The following SGCD variants were observed in gnomAD, a reference collection of about 807,000 sequenced individuals.
SGCD encodes sarcoglycan delta.
SGCD carries 18 observed loss-of-function variants against 36.6 expected under a neutral mutation model. The observed-to-expected ratio is 0.49, with a 90% CI of 0.34 to 0.73. The LOEUF (loss-of-function observed/expected upper bound fraction) is 0.73. Among genes scored for constraint, SGCD ranks in the 30% least tolerant of loss-of-function variants. The pLI, the probability that SGCD is intolerant of heterozygous loss-of-function variation, is 0.01. For missense variants in SGCD, 387 were observed against 346.7 expected, an observed-to-expected ratio of 1.12 and a Z score of -0.92; for synonymous variants, 133 against 130.6, an observed-to-expected ratio of 1.02 and a Z score of -0.12.
chr5:156,635,772 A>T (rs1271006251), intron 6 of SGCD, among the ~76,000 whole-genome samples: 2 of 152,002 alleles, frequency 1.3e-5, no homozygotes, highest in African/African-American at 2.4e-5. Context: ...ATTCTCAGCA[A>T]ACTATCACAA....
At chr5:156,518,273 AAC>A (rs1757264745) in intron 4 of SGCD, among the ~76,000 whole-genome samples, 1 of 152,246 alleles carries the variant, frequency 6.6e-6, no homozygotes, top group Non-Finnish European at 1.5e-5. Flanking sequence ...GGTTCAATTC[AAC>A]AAGAAAAGCT....
rs569819630 is a variant in SGCD, at chr5:156,508,560, G to T, written c.193-41G>T. 4.2e-4 allele frequency: 547 copies of T among 1,298,904 alleles called. 5 individuals are homozygous for T. In the South Asian group the frequency reaches 6.0e-3, roughly 14 times the overall value. The allele number at this position is 1,298,904 out of a possible 1,614,324, so 80.5% of individuals were successfully genotyped here. On this transcript the variant is annotated intron_variant, in intron 3 of 8. Coordinates refer to ENST00000337851, the MANE Select transcript of SGCD (RefSeq NM_000337.6). ...CAGCCTGAGGTGTTTTGAAATTTTGGCTAATCATATCTTCCTTGTTATCTC... is the reference window on the plus strand; with the variant it reads ...CAGCCTGAGGTGTTTTGAAATTTTGTCTAATCATATCTTCCTTGTTATCTC...
intron 7 of SGCD, among the ~76,000 whole-genome samples, chr5:156,706,249 A>T (rs1754736287): frequency 6.6e-6 from 1 of 152,106 alleles, no homozygotes; most frequent in African/African-American, 2.4e-5. Context: ...TCAAGACATC[A>T]CTGTCTTGTC....
intron 1 of SGCD, among the ~76,000 whole-genome samples, chr5:156,327,750 T>TA (rs1440161685): frequency 6.6e-6 from 1 of 152,200 alleles, no homozygotes; most frequent in African/African-American, 2.4e-5. Flanking sequence ...TCGAAACAGA[T>TA]ATGTGTGTAT....
chr5:156,598,977 A>G (rs1291226520), intron 6 of SGCD, among the ~76,000 whole-genome samples: 2 of 152,210 alleles, frequency 1.3e-5, no homozygotes, highest in Non-Finnish European at 2.9e-5. Flanking sequence ...CATTAGGAAC[A>G]TTTGCTTTTT....
intron 1 of SGCD, among the ~76,000 whole-genome samples, chr5:155,959,258 A>G (rs762228741): frequency 6.6e-6 from 1 of 152,044 alleles, no homozygotes; most frequent in Non-Finnish European, 1.5e-5. Context: ...TCATTCCTTT[A>G]TCTCACATAT....
At chr5:156,288,884 A>G (rs560653787) in intron 3 of SGCD, among the ~76,000 whole-genome samples, 1 of 152,252 alleles carries the variant, frequency 6.6e-6, no homozygotes, top group Non-Finnish European at 1.5e-5. Flanking sequence ...TTTAAGTGAC[A>G]TGTCCATTTT....
At chr5:155,845,132 T>C in the SGCD span, among the ~76,000 whole-genome samples, 1 of 152,168 alleles carries the variant, frequency 6.6e-6, no homozygotes, top group Non-Finnish European at 1.5e-5. Context: ...CAGTGTTTGG[T>C]TTTCTGTTCT....
chr5:155,740,719 A>T, the SGCD span, among the ~76,000 whole-genome samples: 3 of 152,330 alleles, frequency 2.0e-5, no homozygotes, highest in South Asian at 6.2e-4. Context: ...TTGGTTTTGA[A>T]ACCTGAAGTA....
chr5:156,350,149 C>T (rs377042983), intron 3 of SGCD, among the ~76,000 whole-genome samples: 8 of 150,140 alleles, frequency 5.3e-5, no homozygotes, highest in Non-Finnish European at 7.4e-5. Flanking sequence ...ATACAGTACT[C>T]GGTGGTGGGT....
At chr5:156,541,164 A>G (rs1381960485) in intron 4 of SGCD, among the ~76,000 whole-genome samples, 1 of 152,210 alleles carries the variant, frequency 6.6e-6, no homozygotes, top group Non-Finnish European at 1.5e-5. Context: ...TAGGAAAAAA[A>G]GCTGATGCTA....
intron 3 of SGCD, among the ~76,000 whole-genome samples, chr5:156,508,183 A>G (rs1047347077): frequency 1.3e-5 from 2 of 152,236 alleles, no homozygotes; most frequent in East Asian, 3.8e-4. Context: ...ACACACGTCC[A>G]AAGTCTGGAT....
chr5:155,835,002 ATTTTTTT>A, the SGCD span, among the ~76,000 whole-genome samples: 77 of 60,178 alleles, frequency 1.3e-3, 3 homozygotes, highest in East Asian at 0.046. Flanking sequence ...TGCCCAGCTA[ATTTTTTT>A]TTTTTTTTTT....
chr5:156,089,349 TC>T (rs1468342279), intron 1 of SGCD, among the ~76,000 whole-genome samples: 1 of 152,226 alleles, frequency 6.6e-6, no homozygotes, highest in Non-Finnish European at 1.5e-5. Context: ...GTTCATCTTC[TC>T]TGTTTTCCCC....
At chr5:156,340,234 A>G (rs1315558666) in intron 2 of SGCD, among the ~76,000 whole-genome samples, 1 of 152,254 alleles carries the variant, frequency 6.6e-6, no homozygotes, top group Non-Finnish European at 1.5e-5. Flanking sequence ...CATCAATGAC[A>G]GTTGAATTCT....
intron 3 of SGCD, among the ~76,000 whole-genome samples, chr5:156,367,962 T>C (rs376973011): frequency 2.2e-4 from 34 of 152,324 alleles, no homozygotes; most frequent in African/African-American, 8.2e-4. Flanking sequence ...TTTCTCAGCA[T>C]TTTCAATATA....
chr5:156,222,606 A>G (rs887394211), intron 3 of SGCD, among the ~76,000 whole-genome samples: 1 of 152,136 alleles, frequency 6.6e-6, no homozygotes, highest in Non-Finnish European at 1.5e-5. Flanking sequence ...TGCTCAAAGC[A>G]TTATTCTTTT....
At chr5:156,204,791 C>T (rs1432245802) in intron 3 of SGCD, among the ~76,000 whole-genome samples, 1 of 151,948 alleles carries the variant, frequency 6.6e-6, no homozygotes, top group Non-Finnish European at 1.5e-5. Context: ...GGCAAGATCA[C>T]AATGAAATAG....
At chr5:156,497,511 G>T (rs562372489) in intron 3 of SGCD, among the ~76,000 whole-genome samples, 1 of 152,014 alleles carries the variant, frequency 6.6e-6, no homozygotes, top group Admixed American at 6.6e-5. Context: ...GCAACCTTAT[G>T]AGATTTTATA....
Sources: gnomAD v4.1 joint callset for allele counts (sites outside exome capture counted in the v4.1 genomes callset) on GRCh38, gnomAD v4.1.1 for gene constraint, MANE v1.5 for transcripts, NCBI Gene and HGNC (gene_info 2026-07-23, HGNC 2026-07-21) for gene names.